Variants in C16orf46 observed in about 807,000 individuals in gnomAD.
C16orf46 encodes the protein chromosome 16 open reading frame 46, also known as uncharacterized protein C16orf46.
In C16orf46, 7 loss-of-function variants were observed where a neutral mutation model predicts 5.5. The observed-to-expected ratio is 1.28, with a 90% confidence interval of 0.73 to 2.40. The LOEUF (loss-of-function observed/expected upper bound fraction) is 2.40. Among genes scored for constraint, C16orf46 ranks in the 30% most tolerant of loss-of-function variants. The pLI is 0.00. For missense variants in C16orf46, 614 were observed against 476.0 expected (o/e 1.29, Z -2.70); for synonymous variants, 200 against 184.1 (o/e 1.09, Z -0.70).
intron 1 of C16orf46, among the ~76,000 whole-genome samples, chr16:81,069,667 T>C (rs1237492519): frequency 6.6e-6 from 1 of 152,100 alleles, no homozygotes; most frequent in Non-Finnish European, 1.5e-5. Context: ...AGAGGTGAAA[T>C]ACAAAGAAAA....
At chr16:81,057,669 C>A (rs1206170259), downstream of C16orf46, among the ~76,000 whole-genome samples, 1 of 76,214 alleles carries the variant, frequency 1.3e-5, no homozygotes, top group Non-Finnish European at 2.7e-5. Flanking sequence ...AACTGAAGTT[C>A]ATTTAGGTTG....
chr16:81,061,125 A>G lies in C16orf46; in HGVS notation c.*36T>C, dbSNP rs1334553247. The G allele has an allele frequency of 7.8e-6, 12 of 1,540,006 alleles. No homozygotes were observed. Among genetic ancestry groups the G allele is most frequent in the Non-Finnish European group, 8.7e-6 (10 of 1,144,818 alleles). ...AAAGAGAAAGGATGGCTGCATCTCA[A>G]ACGGTGCTTATTCCCAGGGGTTCTA... On this transcript the variant is annotated 3_prime_UTR_variant, in exon 4 of 4. Coordinates refer to ENST00000299578, the MANE Select transcript of C16orf46 (RefSeq NM_152337.3).
chr16:81,061,356 TCCC>T lies in C16orf46; in HGVS notation c.990_992del (p.Gly331del). ...TGAATTTGGATTTGTAGCTTTGCAC[TCCC>T]CGTTTCTGCAGAAGCTGCAAGGCAG... On this transcript the variant is annotated inframe_deletion, in exon 4 of 4. Coordinates refer to ENST00000299578, the MANE Select transcript of C16orf46 (RefSeq NM_152337.3). The T allele has an allele frequency of 1.9e-6, 3 of 1,614,132 alleles. No homozygotes were observed.
chr16:81,061,467 C>G lies in C16orf46; in HGVS notation c.882G>C (p.Pro294=). 1.2e-6 allele frequency: 2 copies of G among 1,614,076 alleles called. No homozygotes were observed. Among genetic ancestry groups the G allele is most frequent in the Non-Finnish European group, 1.7e-6 (2 of 1,179,996 alleles). ...GGGACCAATGCAGGCAGCGCTGCTC[C>G]GGATCGGTCAGCAGGGATATCTGGG... ...PAAQISLLTD[P]EQRCLHWSLL... Residue 294 remains proline (P), a synonymous_variant, in exon 4 of 4, where the codon CCG becomes CCC. Transcript: ENST00000299578.
chr16:81,063,273 C>T (rs1597142566), intron 3 of C16orf46, among the ~76,000 whole-genome samples: 1 of 145,994 alleles, frequency 6.8e-6, no homozygotes, highest in South Asian at 2.2e-4. Flanking sequence ...AAAAAACCCA[C>T]AGAGTTCTGA....
At chr16:81,059,056 T>A (rs1351778375), downstream of C16orf46, among the ~76,000 whole-genome samples, 4 of 151,980 alleles carry the variant, frequency 2.6e-5, no homozygotes, top group Non-Finnish European at 5.9e-5. Context: ...CTTGGATTCT[T>A]ATTTATTTAT....
chr16:81,071,313 A>AC (rs1971845228), intron 1 of C16orf46, among the ~76,000 whole-genome samples: 2 of 152,152 alleles, frequency 1.3e-5, no homozygotes, highest in South Asian at 4.1e-4. Flanking sequence ...AATAAGAGCG[A>AC]CCAACTATCT....
At chr16:81,053,711 A>C (rs1394226621) in exon 4 of C16orf46, 3 of 186,900 alleles carry the variant, frequency 1.6e-5, no homozygotes, top group Non-Finnish European at 3.3e-5. Context: ...AACAAGTCAT[A>C]CTCTTTTTAA....
intron 3 of C16orf46, among the ~76,000 whole-genome samples, chr16:81,062,794 C>T (rs1233900969): frequency 6.6e-6 from 1 of 150,532 alleles, no homozygotes; most frequent in East Asian, 1.9e-4. Flanking sequence ...ACATTTTGGA[C>T]ATACTTATAC....
downstream of C16orf46, among the ~76,000 whole-genome samples, chr16:81,058,793 A>G (rs1220379295): frequency 6.6e-6 from 1 of 152,140 alleles, no homozygotes; most frequent in Non-Finnish European, 1.5e-5. Context: ...AATTGTTCCT[A>G]TCTTAAAGGA....
chr16:81,065,205 G>C (rs992113393), intron 2 of C16orf46, among the ~76,000 whole-genome samples: 1 of 152,150 alleles, frequency 6.6e-6, no homozygotes, highest in African/African-American at 2.4e-5. Context: ...GCATGCGATG[G>C]CTCACGCCTG....
intron 2 of C16orf46, among the ~76,000 whole-genome samples, chr16:81,065,358 C>T (rs530612992): frequency 2.6e-5 from 4 of 151,448 alleles, no homozygotes; most frequent in African/African-American, 9.7e-5. Flanking sequence ...CCTGTAGTCC[C>T]GGCTACTCAG....
chr16:81,076,356 T>A (rs559720556), intron 1 of C16orf46: 2 of 152,164 alleles, frequency 1.3e-5, no homozygotes, highest in African/African-American at 4.8e-5. Flanking sequence ...TTTGTTCATA[T>A]TTCCAAGAGT....
chr16:81,061,746 G>A lies in C16orf46; in HGVS notation c.603C>T (p.Gly201=), dbSNP rs575214348. 4 of 1,613,944 alleles carry A rather than the reference G, an allele frequency of 2.5e-6. No homozygotes were observed. The Admixed American group carries it at 6.7e-5, about 27-fold the overall frequency. ...CTAGGAGGGCCCTGGAAGTCAGGGGGCCTGGGATGGACAGCCCTCTGTGGG... is the reference window on the plus strand; with the variant it reads ...CTAGGAGGGCCCTGGAAGTCAGGGGACCTGGGATGGACAGCCCTCTGTGGG... ...GGAHRGLSIP[G]PLTSRALLVL... is the part of the protein sequence containing the mutation. The change falls in exon 4 of 4, where the codon GGC becomes GGT. Residue 201 remains glycine (G), a synonymous_variant. Coordinates refer to ENST00000299578, the MANE Select transcript of C16orf46 (RefSeq NM_152337.3).
At chr16:81,067,211 G>A (rs897093479) in intron 1 of C16orf46, among the ~76,000 whole-genome samples, 4 of 152,268 alleles carry the variant, frequency 2.6e-5, no homozygotes, top group African/African-American at 9.6e-5. Flanking sequence ...TTTAAAGACA[G>A]ATACAAAAAG....
downstream of C16orf46, among the ~76,000 whole-genome samples, chr16:81,056,764 C>G (rs1188615073): frequency 6.6e-6 from 1 of 150,386 alleles, no homozygotes. Context: ...AGGACCTAGG[C>G]AGGTGCCACC....
intron 1 of C16orf46, chr16:81,076,415 T>C (rs1249068777): frequency 6.6e-6 from 1 of 152,216 alleles, no homozygotes; most frequent in Non-Finnish European, 1.5e-5. Flanking sequence ...GCTTATTATA[T>C]GCCTACAGGT....
downstream of C16orf46, among the ~76,000 whole-genome samples, chr16:81,059,451 T>C (rs1053232058): frequency 1.3e-5 from 2 of 152,020 alleles, no homozygotes; most frequent in African/African-American, 4.8e-5. Flanking sequence ...AAATCCAGAC[T>C]TCAAGTCCAA....
chr16:81,058,102 A>C (rs1971358649), downstream of C16orf46: 1 of 154,030 alleles, frequency 6.5e-6, no homozygotes, highest in Non-Finnish European at 1.4e-5. Flanking sequence ...TTGCGTCTCT[A>C]TAATAATAAT....
Sources: allele counts gnomAD v4.1 joint callset (sites outside exome capture counted in the v4.1 genomes callset), GRCh38; gene constraint gnomAD v4.1.1; transcripts MANE v1.5; gene names NCBI Gene and HGNC (gene_info 2026-07-23, HGNC 2026-07-21).